Variants in GFRA2 observed in about 807,000 individuals in gnomAD.
The protein encoded by GFRA2 is GDNF family receptor alpha-2.
Under a neutral mutation model 48.3 loss-of-function variants are expected in GFRA2, and 17 were observed. The ratio of observed to expected loss-of-function variants is 0.35; its 90% CI spans 0.24 to 0.53. The LOEUF (loss-of-function observed/expected upper bound fraction) is 0.53. Ranked by LOEUF, GFRA2 falls within the 20% of genes least tolerant of loss-of-function variation. The pLI, the probability that GFRA2 is intolerant of heterozygous loss-of-function variation, is 0.93. For missense variants in GFRA2, 660 were observed against 637.3 expected, an observed-to-expected ratio of 1.04 and a Z score of -0.38; for synonymous variants, 305 against 257.2, an observed-to-expected ratio of 1.19 and a Z score of -1.78.
intron 1 of GFRA2, among the ~76,000 whole-genome samples, chr8:21,787,057 G>A (rs1807308680): frequency 6.6e-6 from 1 of 152,024 alleles, no homozygotes; most frequent in Admixed American, 6.5e-5. Context: ...CTACTCCCTG[G>A]CAGCAGCCCT....
chr8:21,788,078 C>T, intron 1 of GFRA2, 42 bp downstream of exon 1: 1 of 1,067,882 alleles, frequency 9.4e-7, no homozygotes, highest in Non-Finnish European at 1.4e-6. Context: ...GCCTCCCCGG[C>T]TTCTCGCCTC....
intron 1 of GFRA2, among the ~76,000 whole-genome samples, chr8:21,784,955 C>A (rs779198380): frequency 1.3e-5 from 2 of 152,166 alleles, no homozygotes; most frequent in Admixed American, 1.3e-4. Context: ...CCTGTACCTG[C>A]GGCCCCCAGC....
intron 3 of GFRA2, among the ~76,000 whole-genome samples, chr8:21,753,078 A>G (rs1403369810): frequency 6.6e-6 from 1 of 152,104 alleles, no homozygotes; most frequent in Non-Finnish European, 1.5e-5. Flanking sequence ...GCAGACAGCC[A>G]TTGCTCCTAG....
intron 8 of GFRA2, 29 bp downstream of exon 8, chr8:21,694,435 C>T: frequency 2.5e-6 from 4 of 1,605,040 alleles, no homozygotes; most frequent in Non-Finnish European, 3.4e-6. Context: ...CAGCCTTCTG[C>T]ACCCATCCCC....
At chr8:21,727,261 C>G (rs941282806) in intron 4 of GFRA2, among the ~76,000 whole-genome samples, 3 of 152,130 alleles carry the variant, frequency 2.0e-5, no homozygotes, top group Admixed American at 2.0e-4. Context: ...GACAGGCTTT[C>G]GCTCTCCAGG....
chr8:21,700,443 C>CT (rs1392149664), intron 7 of GFRA2, among the ~76,000 whole-genome samples: 1 of 152,146 alleles, frequency 6.6e-6, no homozygotes, highest in Non-Finnish European at 1.5e-5. Context: ...ACTGTGGTGG[C>CT]GTCCAAGACT....
At chr8:21,698,352 C>T (rs1021128270) in intron 7 of GFRA2, among the ~76,000 whole-genome samples, 2 of 152,206 alleles carry the variant, frequency 1.3e-5, no homozygotes, top group African/African-American at 2.4e-5. Flanking sequence ...GTGGGAAAGG[C>T]ATGCTTCATC....
At chr8:21,695,026 G>A (rs1802087152) in intron 7 of GFRA2, among the ~76,000 whole-genome samples, 1 of 152,196 alleles carries the variant, frequency 6.6e-6, no homozygotes, top group Non-Finnish European at 1.5e-5. Flanking sequence ...GCATTCATCT[G>A]GGCTTGAGGG....
chr8:21,696,957 A>AG (rs1292601417), intron 7 of GFRA2, among the ~76,000 whole-genome samples: 4 of 120,540 alleles, frequency 3.3e-5, no homozygotes, highest in Non-Finnish European at 5.1e-5. Flanking sequence ...GAGGGGACAG[A>AG]GGAAAGGGGA....
At chr8:21,696,881 A>G (rs1268183087) in intron 7 of GFRA2, among the ~76,000 whole-genome samples, 4 of 142,346 alleles carry the variant, frequency 2.8e-5, no homozygotes, top group Non-Finnish European at 4.6e-5. Flanking sequence ...AGGAAAGAGG[A>G]AGAGGGGGAG....
rs1429068418 is a variant in GFRA2 at position 21,771,265 on chromosome 8, G to A, written c.439+3707C>T. ...CAGGACCATCTGGCTCAAGGCCCGT[G>A]CTCTTCCAGGCACCTCCCTAAATAC... On this transcript the variant is annotated intron_variant, in intron 3 of 8. Transcript: ENST00000524240. 2.0e-5 allele frequency among the ~76,000 whole-genome samples: 3 copies of A among 152,328 alleles called. No homozygotes were observed. In the East Asian group the frequency reaches 5.8e-4, roughly 29 times the overall value.
chr8:21,719,245 G>C (rs1803482362), intron 4 of GFRA2, among the ~76,000 whole-genome samples: 1 of 152,130 alleles, frequency 6.6e-6, no homozygotes. Flanking sequence ...GCCTAGATGA[G>C]ACAGAGGCCA....
chr8:21,695,708 T>C (rs1802130461), intron 7 of GFRA2, among the ~76,000 whole-genome samples: 1 of 152,048 alleles, frequency 6.6e-6, no homozygotes, highest in African/African-American at 2.4e-5. Flanking sequence ...CCCCAGGACT[T>C]GGTGCTGTTC....
At chr8:21,694,092 T>TATA (rs1221616880) in intron 8 of GFRA2, among the ~76,000 whole-genome samples, 6 of 138,602 alleles carry the variant, frequency 4.3e-5, no homozygotes, top group African/African-American at 7.8e-5. Context: ...TATATATATA[T>TATA]TTCCTATAGT....
chr8:21,801,550 C>A (rs1306331635), intron 2 of GFRA2, among the ~76,000 whole-genome samples: 1 of 149,838 alleles, frequency 6.7e-6, no homozygotes, highest in Non-Finnish European at 1.5e-5. Flanking sequence ...CCACCCCACC[C>A]ACCCCCTTCA....
In GFRA2 at chr8:21,782,569, C is replaced by G. The variant is rs1172165356; in HGVS notation, c.355+16G>C. 29 of 1,548,468 alleles carry G rather than the reference C, an allele frequency of 1.9e-5. No homozygotes were observed. In the East Asian group the frequency reaches 6.5e-4, roughly 35 times the overall value. On this transcript the variant is annotated intron_variant, in intron 2 of 8. Transcript: ENST00000524240. ...GCCACACCCCCTCCCCTTGGGCAAG[C>G]CCCGCCCAGGCTTACCCTCGGTCAG...
intron 3 of GFRA2, among the ~76,000 whole-genome samples, chr8:21,767,526 G>A (rs1806233520): frequency 6.6e-6 from 1 of 152,254 alleles, no homozygotes; most frequent in Non-Finnish European, 1.5e-5. Context: ...GAGCCGGAGT[G>A]ATTGCAGTTG....
At chr8:21,796,309 C>T (rs1807675711) in intron 2 of GFRA2, among the ~76,000 whole-genome samples, 1 of 152,262 alleles carries the variant, frequency 6.6e-6, no homozygotes, top group African/African-American at 2.4e-5. Flanking sequence ...CACTGGCCAT[C>T]TGCCAGGTAC....
chr8:21,721,692 G>T (rs924987938), intron 4 of GFRA2, among the ~76,000 whole-genome samples: 3 of 152,146 alleles, frequency 2.0e-5, no homozygotes, highest in African/African-American at 7.2e-5. Context: ...TAAGAAAAAG[G>T]CAGTCCAATT....
Sources: allele counts gnomAD v4.1 joint callset (sites outside exome capture counted in the v4.1 genomes callset), GRCh38; gene constraint gnomAD v4.1.1; transcripts MANE v1.5; gene names NCBI Gene and HGNC (gene_info 2026-07-23, HGNC 2026-07-21).